GPR84: variants seen among roughly 807,000 people sequenced by gnomAD.
GPR84 encodes the protein G-protein coupled receptor 84.
Under a neutral mutation model 14.9 loss-of-function variants are expected in GPR84, and 8 were observed. That is an observed-to-expected ratio of 0.54 (90% CI 0.31 to 0.97). GPR84 has a LOEUF of 0.97. Ranked by LOEUF, GPR84 falls within the 50% of genes least tolerant of loss-of-function variation. The pLI, the probability that GPR84 is intolerant of heterozygous loss-of-function variation, is 0.04. For missense variants in GPR84, 424 were observed against 498.7 expected (o/e 0.85, Z 1.43); for synonymous variants, 164 against 198.1 (o/e 0.83, Z 1.45).
At chr12:54,350,725 G>A in the GPR84 span, 1 of 598,634 alleles carries the variant, frequency 1.7e-6, no homozygotes, top group East Asian at 2.8e-5. Flanking sequence ...AGTTCTGGGA[G>A]TAAAGCTCCC....
At position 54,363,806 on chromosome 12, in the gene GPR84, C is replaced by T. The variant is rs753225572; in HGVS notation, c.46G>A (p.Val16Met). The T allele has an allele frequency of 1.4e-5, 23 of 1,609,526 alleles. No homozygotes were observed. Among genetic ancestry groups the T allele is most frequent in the Non-Finnish European group, 1.8e-5 (21 of 1,177,450 alleles). Residue 16 changes from valine (V) to methionine (M), a missense_variant, in exon 2 of 2, where the codon GTG becomes ATG. Coordinates refer to ENST00000267015, the MANE Select transcript of GPR84 (RefSeq NM_020370.3). The part of the protein sequence containing the change: ...DANFSCYHES[V>M]LGYRYVAVSW... Reference sequence around the variant, plus strand: ...ACTGCAACATAACGATAGCCCAGCACAGACTCATGGTAGCAGGAGAAGTTG... The same window carrying T: ...ACTGCAACATAACGATAGCCCAGCATAGACTCATGGTAGCAGGAGAAGTTG...
chr12:54,351,531 G>T, the GPR84 span: 1 of 152,154 alleles, frequency 6.6e-6, no homozygotes, highest in Non-Finnish European at 1.5e-5. Context: ...TCTCTAGGTC[G>T]CTGAGAGAGG....
At position 54,363,786 on chromosome 12, in the gene GPR84, A is replaced by G. The variant is rs775625419; in HGVS notation, c.66T>C (p.Val22=). The G allele has an allele frequency of 6.2e-7, 1 of 1,613,366 alleles. No homozygotes were observed. Among genetic ancestry groups the G allele is most frequent in the Non-Finnish European group, 8.5e-7 (1 of 1,179,784 alleles). The change falls in exon 2 of 2, where the codon GTT becomes GTC. Residue 22 remains valine, a synonymous_variant. Transcript: ENST00000267015. ...YHESVLGYRY[V]AVSWGVVVAV... is the part of the protein sequence containing the mutation. ...CCACCACCACCCCCCAGCTAACTGC[A>G]ACATAACGATAGCCCAGCACAGACT...
downstream of GPR84, among the ~76,000 whole-genome samples, chr12:54,358,355 C>T (rs1249733307): frequency 6.6e-6 from 1 of 152,052 alleles, no homozygotes; most frequent in Non-Finnish European, 1.5e-5. Flanking sequence ...GCCTTTCTGT[C>T]AATATTTCCG....
In GPR84 at chr12:54,363,326, G is replaced by T. The variant is rs376351361; in HGVS notation, c.526C>A (p.Arg176=). 15 of 1,613,990 alleles carry T rather than the reference G, an allele frequency of 9.3e-6. No homozygotes were observed. Among genetic ancestry groups the T allele is most frequent in the Non-Finnish European group, 1.2e-5 (14 of 1,180,018 alleles). The change falls in exon 2 of 2, where the codon CGG becomes AGG. Residue 176 remains arginine (R), a synonymous_variant. Coordinates refer to ENST00000267015, the MANE Select transcript of GPR84 (RefSeq NM_020370.3). Reference sequence around the variant, plus strand: ...CCCATGAGGATGGTGGTGTAAGGCCGGCCTCGGATGCGGTCAAAGCTGCAG... The same window carrying T: ...CCCATGAGGATGGTGGTGTAAGGCCTGCCTCGGATGCGGTCAAAGCTGCAG... The part of the protein sequence containing the change: ...CTCSFDRIRG[R]PYTTILMGIY...
At chr12:54,353,389 G>C in the GPR84 span, among the ~76,000 whole-genome samples, 1 of 151,444 alleles carries the variant, frequency 6.6e-6, no homozygotes, top group East Asian at 1.9e-4. Context: ...GCTACAGCCT[G>C]AACAGTGCCA....
In GPR84 at chr12:54,362,760, G is replaced by A. The variant is rs1436094025; in HGVS notation, c.1092C>T (p.Cys364=). 4 of 1,614,040 alleles carry A rather than the reference G, an allele frequency of 2.5e-6. No individual in the cohort carries two copies. Among genetic ancestry groups the A allele is most frequent in the East Asian group, 2.2e-5 (1 of 44,902 alleles). The part of the protein sequence containing the change: ...LAANLTWLNG[C]INPVLYAAMN... ...TGGCTGCATAGAGCACAGGGTTGAT[G>A]CAACCATTGAGCCAGGTGAGGTTGG... The change falls in exon 2 of 2, where the codon TGC becomes TGT. Residue 364 remains cysteine (C), a synonymous_variant. Coordinates refer to ENST00000267015, the MANE Select transcript of GPR84 (RefSeq NM_020370.3). This position sits in a 1 kb window ranked among gnomAD's most constrained non-coding sequence, Gnocchi z 4.0.
chr12:54,352,987 GGGGCAGTGT>G, the GPR84 span, among the ~76,000 whole-genome samples: 1 of 152,184 alleles, frequency 6.6e-6, no homozygotes, highest in African/African-American at 2.4e-5. Context: ...ACCTGGGGGA[GGGGCAGTGT>G]CAGTGCCAGA....
At chr12:54,355,702 C>A in the GPR84 span, among the ~76,000 whole-genome samples, 1 of 152,110 alleles carries the variant, frequency 6.6e-6, no homozygotes, top group Non-Finnish European at 1.5e-5. Context: ...CCAGCTCTGA[C>A]CCCCAGCCTG....
chr12:54,355,986 G>A, the GPR84 span, among the ~76,000 whole-genome samples: 1 of 152,140 alleles, frequency 6.6e-6, no homozygotes, highest in African/African-American at 2.4e-5. Flanking sequence ...AGGAAAACCT[G>A]GGAGAAAGGA....
rs771374831 is a variant in GPR84, at chr12:54,363,770, C to T, written c.82G>A (p.Val28Met). Reference sequence around the variant, plus strand: ...ACGGTGCCTGTCACAGCCACCACCACCCCCCAGCTAACTGCAACATAACGA... The same window carrying T: ...ACGGTGCCTGTCACAGCCACCACCATCCCCCAGCTAACTGCAACATAACGA... Reference protein sequence around the residue: ...GYRYVAVSWGVVVAVTGTVGN... With the variant: ...GYRYVAVSWGMVVAVTGTVGN... The change falls in exon 2 of 2, where the codon GTG (valine) becomes ATG (methionine). Residue 28 changes from valine (V) to methionine (M), a missense_variant. Coordinates refer to ENST00000267015, the MANE Select transcript of GPR84 (RefSeq NM_020370.3). 92 of 1,612,882 alleles carry T rather than the reference C, an allele frequency of 5.7e-5. 3 individuals carry two copies. The Middle Eastern group carries it at 5.8e-3, about 101-fold the overall frequency.
Position 54,363,159 on chromosome 12 carries a change from A to T in GPR84, c.693T>A (p.Asp231Glu), listed in dbSNP as rs1293146609. The T allele has an allele frequency of 6.2e-7, 1 of 1,614,062 alleles. No homozygotes were observed. The highest frequency in any genetic ancestry group is 1.3e-5 in the African/African-American group (1 of 74,920). The change falls in exon 2 of 2, where the codon GAT becomes GAA. Residue 231 changes from aspartate (D) to glutamate (E), a missense_variant. Physicochemically the swap from Asp to Glu is conservative, Grantham distance 45. Coordinates refer to ENST00000267015, the MANE Select transcript of GPR84 (RefSeq NM_020370.3). ...CCTGGAAACGACCAGGCATGGCCTC[A>T]TCAGTCCTGGCCACATGGTTGGAGT... ...SIHSNHVART[D>E]EAMPGRFQEL...
At position 54,363,262 on chromosome 12, in the gene GPR84, A is replaced by C; in HGVS notation, c.590T>G (p.Phe197Cys). The change falls in exon 2 of 2, where the codon TTC becomes TGC. Residue 197 changes from phenylalanine (F) to cysteine (C), a missense_variant. Coordinates refer to ENST00000267015, the MANE Select transcript of GPR84 (RefSeq NM_020370.3). ...FVLGLSSVGI[F>C]YCLIHRQVKR... The stretch of plus-strand genomic sequence containing the variant: ...GACCTGGCGGTGGATGAGGCAATAG[A>C]AGATGCCAACACTGCTGAGCCCAAG... 1 of 1,614,144 alleles carries C rather than the reference A, an allele frequency of 6.2e-7. No homozygotes were observed. The highest frequency in any genetic ancestry group is 2.2e-5 in the East Asian group (1 of 44,872).
At chr12:54,356,326 A>G in the GPR84 span, among the ~76,000 whole-genome samples, 1 of 152,020 alleles carries the variant, frequency 6.6e-6, no homozygotes, top group African/African-American at 2.4e-5. Flanking sequence ...AAGATCCCCA[A>G]CTCCCTCCTG....
downstream of GPR84, among the ~76,000 whole-genome samples, chr12:54,359,084 T>G (rs1954240081): frequency 6.7e-6 from 1 of 149,690 alleles, no homozygotes; most frequent in Admixed American, 6.6e-5. Flanking sequence ...CGCCATTCCT[T>G]GAGGGGAGGG....
chr12:54,353,012 G>A, the GPR84 span, among the ~76,000 whole-genome samples: 1 of 152,186 alleles, frequency 6.6e-6, no homozygotes, highest in Non-Finnish European at 1.5e-5. Flanking sequence ...CCAGAGCTGG[G>A]TGGTGGTGAT....
rs1439592147 is a variant in GPR84, at chr12:54,362,743, T to C, written c.1109A>G (p.Tyr370Cys). Reference sequence around the variant, plus strand: ...GCGGAATTGGCGGTTCATGGCTGCATAGAGCACAGGGTTGATGCAACCATT... The same window carrying C: ...GCGGAATTGGCGGTTCATGGCTGCACAGAGCACAGGGTTGATGCAACCATT... ...WLNGCINPVL[Y>C]AAMNRQFRQA... Residue 370 changes from tyrosine (Y) to cysteine (C), a missense_variant, in exon 2 of 2, where the codon TAT becomes TGT. Tyr to Cys is a radical substitution (Grantham distance 194). Transcript: ENST00000267015. The surrounding 1 kb of genome is among the most constrained non-coding windows in gnomAD (Gnocchi z 4.0). 4 of 1,614,124 alleles carry C rather than the reference T, an allele frequency of 2.5e-6. No individual in the cohort carries two copies. The highest frequency in any genetic ancestry group is 1.7e-5 in the Admixed American group (1 of 60,012).
downstream of GPR84, among the ~76,000 whole-genome samples, chr12:54,358,366 T>C (rs1954230370): frequency 6.6e-6 from 1 of 152,090 alleles, no homozygotes; most frequent in Non-Finnish European, 1.5e-5. Flanking sequence ...AATATTTCCG[T>C]TGGGGAGTAG....
chr12:54,357,045 G>T, the GPR84 span, among the ~76,000 whole-genome samples: 78 of 152,114 alleles, frequency 5.1e-4, no homozygotes, highest in Non-Finnish European at 1.0e-3. Flanking sequence ...TTGGAGAGGG[G>T]GTGAGCATAA....
Sources: allele counts gnomAD v4.1 joint callset (sites outside exome capture counted in the v4.1 genomes callset), GRCh38; gene constraint gnomAD v4.1.1; non-coding constraint Gnocchi (gnomAD v3.1); transcripts MANE v1.5; gene names NCBI Gene and HGNC (gene_info 2026-07-23, HGNC 2026-07-21).